ZNF730: variants seen among roughly 807,000 people sequenced by gnomAD.
ZNF730 encodes zinc finger protein 730.
A neutral mutation model predicts 12.6 loss-of-function variants in ZNF730; 12 were observed. That is an observed-to-expected ratio of 0.95 (90% CI 0.61 to 1.54). ZNF730 has a LOEUF of 1.54. Among genes scored for constraint, ZNF730 ranks in the 40% most tolerant of loss-of-function variants. ZNF730 has a pLI of 0.00. For synonymous variants in ZNF730, 194 were observed against 195.8 expected, an observed-to-expected ratio of 0.99 and a Z score of 0.08; for missense variants, 643 against 583.5, an observed-to-expected ratio of 1.10 and a Z score of -1.05.
At chr19:23,127,476 C>G (rs1471978341) in intron 1 of ZNF730, 1 of 1,077,444 alleles carries the variant, frequency 9.3e-7, no homozygotes, top group East Asian at 2.4e-5. Context: ...AGCTTCTGTA[C>G]TTTTTCCCTT....
intron 1 of ZNF730, chr19:23,100,090 T>G (rs998009537): frequency 6.6e-6 from 1 of 152,174 alleles, no homozygotes; most frequent in Admixed American, 6.6e-5. Flanking sequence ...CCAGATGATA[T>G]AAGTCTTCAT....
intron 1 of ZNF730, chr19:23,127,163 G>T: frequency 1.9e-6 from 1 of 535,840 alleles, no homozygotes; most frequent in South Asian, 1.6e-5. Flanking sequence ...GTTTGTTCAT[G>T]CTCAAAGAAA....
chr19:23,117,203 G>T, intron 1 of ZNF730, 27 bp downstream of exon 1: 1 of 1,613,846 alleles, frequency 6.2e-7, no homozygotes, highest in South Asian at 1.1e-5. Flanking sequence ...GACATCCCGA[G>T]AGAGGGAACG....
At chr19:23,106,778 G>A (rs1249731280) in intron 1 of ZNF730, among the ~76,000 whole-genome samples, 2 of 141,188 alleles carry the variant, frequency 1.4e-5, no homozygotes, top group South Asian at 2.2e-4. Context: ...CCACGAGAGC[G>A]AGAACTGCGT....
At chr19:23,127,403 G>C in intron 1 of ZNF730, 2 of 935,710 alleles carry the variant, frequency 2.1e-6, no homozygotes, top group Non-Finnish European at 3.4e-6. Flanking sequence ...CAAATATTCA[G>C]CTTCCAGTTC....
At chr19:23,118,823 T>C (rs966571767) in intron 1 of ZNF730, among the ~76,000 whole-genome samples, 1 of 152,208 alleles carries the variant, frequency 6.6e-6, no homozygotes, top group Non-Finnish European at 1.5e-5. Flanking sequence ...GGTAGCATTC[T>C]ACAACCAAAT....
intron 1 of ZNF730, among the ~76,000 whole-genome samples, chr19:23,103,435 G>A (rs533004049): frequency 2.0e-5 from 3 of 152,302 alleles, no homozygotes; most frequent in African/African-American, 4.8e-5. Flanking sequence ...ATAACAGATT[G>A]TTGCTTCTTT....
rs1408647574 is a variant in ZNF730 at position 23,146,901 on chromosome 19, T to A, written c.*345T>A. 1.9e-6 allele frequency: 1 copy of A among 539,614 alleles called. No individual in the cohort carries two copies. The highest frequency in any genetic ancestry group is 3.3e-6 in the Non-Finnish European group (1 of 299,614). The allele number at this position is 539,614 out of a possible 1,614,324, so 33.4% of individuals were successfully genotyped here. On this transcript the variant is annotated 3_prime_UTR_variant, in exon 4 of 4. Transcript: ENST00000597761. ...AGAAACTCTACAAACCTGAAAGTTT[T>A]AACAGTGCTTTTGACAACACCTCAA... is the stretch of plus-strand genomic sequence containing the variant.
At chr19:23,104,183 T>C (rs1970365565) in intron 1 of ZNF730, among the ~76,000 whole-genome samples, 1 of 151,700 alleles carries the variant, frequency 6.6e-6, no homozygotes, top group Admixed American at 6.6e-5. Context: ...GCACCTCTAG[T>C]CTCAGCTACT....
chr19:23,082,336 T>C (rs1443446965), intron 1 of ZNF730, among the ~76,000 whole-genome samples: 1 of 151,548 alleles, frequency 6.6e-6, no homozygotes, highest in Non-Finnish European at 1.5e-5. Flanking sequence ...ACCCATGTTG[T>C]TGCAAATAGC....
intron 3 of ZNF730, among the ~76,000 whole-genome samples, chr19:23,141,349 C>G (rs1599601676): frequency 6.6e-6 from 1 of 151,484 alleles, no homozygotes; most frequent in East Asian, 1.9e-4. Flanking sequence ...GAGGTGAGAT[C>G]ACGCCACTGC....
At chr19:23,130,317 C>T (rs1376126044) in intron 1 of ZNF730, among the ~76,000 whole-genome samples, 1 of 152,182 alleles carries the variant, frequency 6.6e-6, no homozygotes, top group Non-Finnish European at 1.5e-5. Flanking sequence ...TGACTTGCTT[C>T]TCCTTGTCTT....
intron 1 of ZNF730, among the ~76,000 whole-genome samples, chr19:23,125,399 A>G (rs1167076088): frequency 6.6e-6 from 1 of 152,188 alleles, no homozygotes; most frequent in African/African-American, 2.4e-5. Flanking sequence ...AACTTGTTGA[A>G]TGGCTGTGAC....
At chr19:23,129,403 A>C (rs550528047) in intron 1 of ZNF730, among the ~76,000 whole-genome samples, 1 of 152,128 alleles carries the variant, frequency 6.6e-6, no homozygotes, top group Non-Finnish European at 1.5e-5. Context: ...ATGGGAACCC[A>C]CTTTTTGCAT....
chr19:23,130,659 C>A (rs62122978), intron 1 of ZNF730, among the ~76,000 whole-genome samples: 3 of 151,502 alleles, frequency 2.0e-5, no homozygotes, highest in African/African-American at 7.3e-5. Flanking sequence ...AAATTATCCG[C>A]GGAAACCTTA....
In ZNF730 at chr19:23,145,814, A is replaced by C; in HGVS notation, c.770A>C (p.Gln257Pro). 1 of 1,595,422 alleles carries C rather than the reference A, an allele frequency of 6.3e-7. No homozygotes were observed. ...KRIHTGEKPY[Q>P]CEKCGKFFNQ... The stretch of plus-strand genomic sequence containing the variant: ...ATTCATACTGGAGAAAAACCCTACC[A>C]ATGTGAGAAATGTGGCAAATTTTTT... Residue 257 changes from glutamine (Q) to proline (P), a missense_variant, in exon 4 of 4, where the codon CAA (glutamine) becomes CCA (proline). Coordinates refer to ENST00000597761, the MANE Select transcript of ZNF730 (RefSeq NM_001277403.2).
upstream of ZNF730, among the ~76,000 whole-genome samples, chr19:23,115,386 A>G (rs1361834173): frequency 6.6e-6 from 1 of 152,060 alleles, no homozygotes; most frequent in Non-Finnish European, 1.5e-5. Context: ...AATTGCAGCA[A>G]TTTTTCATCC....
upstream of ZNF730, among the ~76,000 whole-genome samples, chr19:23,113,825 A>G (rs1461532066): frequency 6.6e-6 from 1 of 152,200 alleles, no homozygotes; most frequent in East Asian, 1.9e-4. Context: ...TGATGGTGAC[A>G]GTGTTATCAA....
chr19:23,115,150 A>G (rs1035814933), upstream of ZNF730, among the ~76,000 whole-genome samples: 1 of 142,254 alleles, frequency 7.0e-6, no homozygotes, highest in Non-Finnish European at 1.5e-5. Flanking sequence ...AAAAAAAAAA[A>G]CTGTCTTCTT....
Sources: allele counts gnomAD v4.1 joint callset (sites outside exome capture counted in the v4.1 genomes callset), GRCh38; gene constraint gnomAD v4.1.1; transcripts MANE v1.5; gene names NCBI Gene and HGNC (gene_info 2026-07-23, HGNC 2026-07-21).